RNF115: variants seen among roughly 807,000 people sequenced by gnomAD.
The protein encoded by RNF115 is ring finger protein 115, also known as E3 ubiquitin-protein ligase RNF115.
A neutral mutation model predicts 39.2 loss-of-function variants in RNF115; 31 were observed. The ratio of observed to expected loss-of-function variants is 0.79; its 90% CI spans 0.59 to 1.07. The LOEUF (loss-of-function observed/expected upper bound fraction) is 1.07. RNF115 is among the 50% of genes least tolerant of loss of function. The pLI, the probability that RNF115 is intolerant of heterozygous loss-of-function variation, is 0.00. For synonymous variants in RNF115, 124 were observed against 131.0 expected, an observed-to-expected ratio of 0.95 and a Z score of 0.37; for missense variants, 384 against 381.7, an observed-to-expected ratio of 1.01 and a Z score of -0.05.
chr1:145,812,252 A>C (rs1211646410), intron 1 of RNF115, among the ~76,000 whole-genome samples: 1 of 150,216 alleles, frequency 6.7e-6, no homozygotes, highest in Non-Finnish European at 1.5e-5. Context: ...CATCAAAGTG[A>C]GTGGCAAGGA....
intron 4 of RNF115, among the ~76,000 whole-genome samples, chr1:145,757,241 T>A (rs1230934024): frequency 6.6e-6 from 1 of 152,158 alleles, no homozygotes. Flanking sequence ...TATTTCCAAA[T>A]AAGGTCATAT....
chr1:145,772,188 C>T, intron 3 of RNF115: 1 of 293,456 alleles, frequency 3.4e-6, no homozygotes, highest in Non-Finnish European at 6.3e-6. Flanking sequence ...TACTGTGCCA[C>T]ATCCTGGCAA....
At position 145,824,093 on chromosome 1, in the gene RNF115, G is replaced by C. The variant is rs1292486365; in HGVS notation, c.-220C>G. On this transcript the variant is annotated 5_prime_UTR_variant, in exon 1 of 9. Transcript: ENST00000582693. ...GCACCAAAGAGGCGCAGGAAGGAGAGACAAACGGCCCGCCCGCCGGCTCCA... is the reference window on the plus strand; with the variant it reads ...GCACCAAAGAGGCGCAGGAAGGAGACACAAACGGCCCGCCCGCCGGCTCCA... The C allele has an allele frequency of 6.6e-6, 3 of 451,556 alleles. No homozygotes were observed. Among genetic ancestry groups the C allele is most frequent in the Non-Finnish European group, 7.7e-6 (2 of 258,424 alleles). The allele number at this position is 451,556 out of a possible 1,614,324, so 28.0% of individuals were successfully genotyped here. A position where few individuals can be genotyped will look rare whatever the true frequency, so the allele number is the denominator to read the frequency against.
At chr1:145,793,307 A>C (rs1280913770) in intron 1 of RNF115, among the ~76,000 whole-genome samples, 1 of 152,208 alleles carries the variant, frequency 6.6e-6, no homozygotes, top group Non-Finnish European at 1.5e-5. Flanking sequence ...ACACAGCGAG[A>C]CCCTGTATCA....
At chr1:145,751,409 A>G in intron 6 of RNF115, 29 bp downstream of exon 6, 2 of 1,508,962 alleles carry the variant, frequency 1.3e-6, no homozygotes, top group Non-Finnish European at 1.8e-6. Context: ...GACACACTGA[A>G]CAGACACCCT....
chr1:145,819,369 A>G (rs1650134272), intron 1 of RNF115, among the ~76,000 whole-genome samples: 1 of 151,136 alleles, frequency 6.6e-6, no homozygotes, highest in South Asian at 2.1e-4. Flanking sequence ...GGATCACCTG[A>G]GTCTGGGAAG....
chr1:145,739,989 G>C lies in RNF115; in HGVS notation c.*6877C>G, dbSNP rs1469915953. 2.0e-5 allele frequency: 3 copies of C among 152,174 alleles called. No homozygotes were observed. Among genetic ancestry groups the C allele is most frequent in the Admixed American group, 2.0e-4 (3 of 15,278 alleles). The allele number at this position is 152,174 out of a possible 1,614,324, so 9.4% of individuals were successfully genotyped here. ...GTTCTGAGAATCAAAATGAGAGTCT[G>C]GATTTGGGACCTAGAGCCATTTGAG... is the stretch of plus-strand genomic sequence containing the variant. On this transcript the variant is annotated 3_prime_UTR_variant, in exon 9 of 9. Coordinates refer to ENST00000582693, the MANE Select transcript of RNF115 (RefSeq NM_014455.4).
At chr1:145,784,648 T>A in intron 2 of RNF115, 52 bp from the exon 3 acceptor site, 1 of 1,510,120 alleles carries the variant, frequency 6.6e-7, no homozygotes, top group Non-Finnish European at 9.2e-7. Flanking sequence ...CAAGCTCCCC[T>A]CCCAGAAGCT....
intron 4 of RNF115, among the ~76,000 whole-genome samples, chr1:145,754,968 G>T (rs587692302): frequency 6.6e-6 from 1 of 152,042 alleles, no homozygotes; most frequent in Admixed American, 6.6e-5. Flanking sequence ...GGAAATGGCC[G>T]GGTGTGGTGG....
At chr1:145,818,490 G>T (rs1650086304) in intron 1 of RNF115, among the ~76,000 whole-genome samples, 2 of 140,560 alleles carry the variant, frequency 1.4e-5, no homozygotes, top group East Asian at 4.1e-4. Flanking sequence ...TACTAAAAAG[G>T]TCTCTCAAAA....
intron 4 of RNF115, among the ~76,000 whole-genome samples, chr1:145,771,291 T>C (rs1647626658): frequency 6.6e-6 from 1 of 152,220 alleles, no homozygotes. Context: ...TCATGCATGC[T>C]CTCTTGCCCT....
In RNF115 at chr1:145,823,875, T is replaced by G. The variant is rs782517738; in HGVS notation, c.-2A>C. 1.6e-5 allele frequency: 25 copies of G among 1,537,436 alleles called. No homozygotes were observed. The highest frequency in any genetic ancestry group is 2.2e-5 in the Non-Finnish European group (25 of 1,144,548). ...CCCGGCCGCCGAAGCCTCCGCCATT[T>G]TTGCCCTCCGCCGCGGCCGTCCGAG... On this transcript the variant is annotated 5_prime_UTR_variant, in exon 1 of 9. Transcript: ENST00000582693.
chr1:145,805,953 G>A (rs1411539763), intron 1 of RNF115, among the ~76,000 whole-genome samples: 1 of 152,164 alleles, frequency 6.6e-6, no homozygotes, highest in Non-Finnish European at 1.5e-5. Flanking sequence ...ATGAGGGCTA[G>A]TTGTTAGTTC....
At position 145,823,791 on chromosome 1, in the gene RNF115, T is replaced by G. The variant is rs1384114940; in HGVS notation, c.83A>C (p.Glu28Ala). ...TCTTACCGGTAGTTTGGGGCTGACCTCGCCCTTGCAAAAGTGGCAGAAAAA... is the reference window on the plus strand; with the variant it reads ...TCTTACCGGTAGTTTGGGGCTGACCGCGCCCTTGCAAAAGTGGCAGAAAAA... ...HRFFCHFCKG[E>A]VSPKLPEYIC... The change falls in exon 1 of 9, where the codon GAG (glutamate) becomes GCG (alanine). Residue 28 changes from glutamate (E) to alanine (A), a missense_variant. Glu to Ala is a moderately radical substitution (Grantham distance 107). Coordinates refer to ENST00000582693, the MANE Select transcript of RNF115 (RefSeq NM_014455.4). The G allele has an allele frequency of 1.3e-6, 2 of 1,582,196 alleles. No individual in the cohort carries two copies. Among genetic ancestry groups the G allele is most frequent in the Admixed American group, 3.5e-5 (2 of 56,582 alleles).
chr1:145,768,440 T>C (rs1553715328), intron 4 of RNF115, among the ~76,000 whole-genome samples: 1 of 152,234 alleles, frequency 6.6e-6, no homozygotes, highest in Non-Finnish European at 1.5e-5. Context: ...CTCAGCTTCC[T>C]GAGTAGCTGC....
Position 145,746,889 on chromosome 1 carries a change from GCTGA to G in RNF115, c.888_891del (p.Gln297TyrfsTer14), listed in dbSNP as rs782103426. On this transcript the variant is annotated frameshift_variant, in exon 9 of 9. Coordinates refer to ENST00000582693, the MANE Select transcript of RNF115 (RefSeq NM_014455.4). LOFTEE classifies it high-confidence loss of function. ...CTTCAGAAAGTCCATCGGTCATGTA[GCTGA>G]CTGTCATTGCTAAATCTGTTGCTTG... is the stretch of plus-strand genomic sequence containing the variant. The G allele has an allele frequency of 1.9e-5, 31 of 1,614,070 alleles. No homozygotes were observed. The Admixed American group carries it at 2.3e-4, about 12-fold the overall frequency.
At chr1:145,804,703 A>AT (rs1357735143) in intron 1 of RNF115, among the ~76,000 whole-genome samples, 5 of 152,334 alleles carry the variant, frequency 3.3e-5, no homozygotes, top group African/African-American at 1.2e-4. Flanking sequence ...GTTTCACAGG[A>AT]TATTAACCAG....
chr1:145,751,762 G>A lies in RNF115; in HGVS notation c.501-252C>T, dbSNP rs116383939. Among the ~76,000 whole-genome samples, 850 of 152,222 alleles carry A rather than the reference G, an allele frequency of 5.6e-3. 10 individuals carry two copies. Among genetic ancestry groups the A allele is most frequent in the African/African-American group, 0.019 (798 of 41,536 alleles). ...AGCTACCTAAAGTACCACATGACAC[G>A]CCAGAACAAAAAGAGTGACTCATTG... On this transcript the variant is annotated intron_variant, in intron 5 of 8. Transcript: ENST00000582693.
intron 3 of RNF115, among the ~76,000 whole-genome samples, chr1:145,781,271 C>T (rs1446408244): frequency 6.6e-6 from 1 of 152,000 alleles, no homozygotes; most frequent in Non-Finnish European, 1.5e-5. Flanking sequence ...AGAAAATAAC[C>T]ACTTCATTGT....
Sources: allele counts gnomAD v4.1 joint callset (sites outside exome capture counted in the v4.1 genomes callset), GRCh38; gene constraint gnomAD v4.1.1; transcripts MANE v1.5; gene names NCBI Gene and HGNC (gene_info 2026-07-23, HGNC 2026-07-21).